Variants in DLC1 observed in about 807,000 individuals in gnomAD.
The protein encoded by DLC1 is rho GTPase-activating protein 7.
In DLC1, 54 loss-of-function variants were observed where a neutral mutation model predicts 140.3. That is an observed-to-expected ratio of 0.38 (90% CI 0.31 to 0.48). The LOEUF is 0.48. DLC1 is among the 20% of genes least tolerant of loss of function. DLC1 has a pLI of 0.96. For synonymous variants in DLC1, 986 were observed against 728.1 expected, an observed-to-expected ratio of 1.35 and a Z score of -5.70; for missense variants, 2,536 against 1,907.0, an observed-to-expected ratio of 1.33 and a Z score of -6.14.
At chr8:13,539,618 A>T (rs1262938033) in intron 1 of DLC1, among the ~76,000 whole-genome samples, 1 of 152,052 alleles carries the variant, frequency 6.6e-6, no homozygotes, top group African/African-American at 2.4e-5. Flanking sequence ...TCTGTCCCTC[A>T]CCAGCAACTG....
intron 4 of DLC1, among the ~76,000 whole-genome samples, chr8:13,326,809 C>G (rs1833366924): frequency 6.6e-6 from 1 of 152,150 alleles, no homozygotes; most frequent in Non-Finnish European, 1.5e-5. Flanking sequence ...CAGCACTGCT[C>G]CGGCTCTAGG....
At chr8:13,579,357 ATATATTTTTATAT>A (rs1563454081) in intron 1 of DLC1, among the ~76,000 whole-genome samples, 291 of 27,552 alleles carry the variant, frequency 0.011, 91 homozygotes, top group Non-Finnish European at 0.015. Flanking sequence ...ATATATATAT[ATATATTTTTATAT>A]AATACATATT....
At chr8:13,288,723 G>A (rs914247935) in intron 5 of DLC1, among the ~76,000 whole-genome samples, 2 of 152,140 alleles carry the variant, frequency 1.3e-5, no homozygotes, top group Admixed American at 6.5e-5. Context: ...CCCTATCAAC[G>A]TCACTAGTTC....
rs979440033 is a variant in DLC1, at chr8:13,192,863, C to T, written c.1349-77206G>A. On this transcript the variant is annotated intron_variant, in intron 5 of 17. Transcript: ENST00000276297. ...AAAGGAGAGAGGCCTCGGAGGAATC[C>T]GACACTGCTGGCGCCTTGATCTTGG... Among the ~76,000 whole-genome samples the T allele has an allele frequency of 3.3e-5, 5 of 152,278 alleles. No individual in the cohort carries two copies. In the East Asian group the frequency reaches 5.8e-4, roughly 18 times the overall value.
At chr8:13,386,712 G>A (rs1181585891) in intron 4 of DLC1, among the ~76,000 whole-genome samples, 1 of 151,984 alleles carries the variant, frequency 6.6e-6, no homozygotes, top group Non-Finnish European at 1.5e-5. Context: ...TCCAGACTAG[G>A]TGAATGAAAT....
At chr8:13,146,478 AAAT>A (rs1306538037) in intron 5 of DLC1, among the ~76,000 whole-genome samples, 11 of 152,020 alleles carry the variant, frequency 7.2e-5, no homozygotes, top group African/African-American at 2.7e-4. Context: ...AAGTTATTAG[AAAT>A]AATCACCAAA....
intron 1 of DLC1, among the ~76,000 whole-genome samples, chr8:13,537,464 A>T (rs1803321559): frequency 6.6e-6 from 1 of 152,192 alleles, no homozygotes; most frequent in South Asian, 2.1e-4. Flanking sequence ...TATCCAAAAA[A>T]GTACAAGTTG....
chr8:13,215,215 A>C (rs1244526031), intron 5 of DLC1, among the ~76,000 whole-genome samples: 1 of 152,234 alleles, frequency 6.6e-6, no homozygotes, highest in Non-Finnish European at 1.5e-5. Flanking sequence ...GTCTTACAAA[A>C]AAATAATTTT....
chr8:13,159,964 CCT>C (rs1824556868), intron 5 of DLC1, among the ~76,000 whole-genome samples: 1 of 151,978 alleles, frequency 6.6e-6, no homozygotes, highest in Non-Finnish European at 1.5e-5. Context: ...TCGAGACCAG[CCT>C]GGACAATATG....
intron 4 of DLC1, among the ~76,000 whole-genome samples, chr8:13,349,433 G>T (rs1295031052): frequency 1.3e-5 from 2 of 152,112 alleles, no homozygotes; most frequent in African/African-American, 4.8e-5. Context: ...GTAAAAAATG[G>T]AAGCAAAGGT....
At chr8:13,531,827 A>C (rs1370388921) in intron 1 of DLC1, among the ~76,000 whole-genome samples, 1 of 152,170 alleles carries the variant, frequency 6.6e-6, no homozygotes, top group African/African-American at 2.4e-5. Flanking sequence ...GAATCAAAAC[A>C]TTTTGCATAC....
intron 4 of DLC1, among the ~76,000 whole-genome samples, chr8:13,366,454 A>G (rs995190775): frequency 6.6e-6 from 1 of 152,180 alleles, no homozygotes; most frequent in African/African-American, 2.4e-5. Context: ...GGGAGGTTCT[A>G]TGGTTAACAC....
rs140738295 is a variant in DLC1, at chr8:13,182,395, C to A, written c.1349-66738G>T. Among the ~76,000 whole-genome samples the A allele has an allele frequency of 7.9e-5, 12 of 151,964 alleles. 1 individual carries two copies. Among genetic ancestry groups the A allele is most frequent in the Non-Finnish European group, 1.2e-4 (8 of 67,976 alleles). On this transcript the variant is annotated intron_variant, in intron 5 of 17. Transcript: ENST00000276297. ...GTATTTTAGTCATAAAATCCTTGCCCGTGCCTATGTCCTGAATGGTATTGC... is the reference window on the plus strand; with the variant it reads ...GTATTTTAGTCATAAAATCCTTGCCAGTGCCTATGTCCTGAATGGTATTGC...
chr8:13,485,385 C>T (rs753542452), intron 2 of DLC1, among the ~76,000 whole-genome samples: 3 of 152,204 alleles, frequency 2.0e-5, no homozygotes, highest in African/African-American at 4.8e-5. Context: ...TGAACATGCA[C>T]TTCTTGTTGC....
intron 7 of DLC1, among the ~76,000 whole-genome samples, chr8:13,104,174 C>T (rs1269845938): frequency 1.3e-5 from 2 of 151,884 alleles, no homozygotes; most frequent in African/African-American, 2.4e-5. Context: ...AAAGAATTTG[C>T]GTACTGTAAC....
Position 13,529,735 on chromosome 8 carries a change from GACT to G in DLC1, c.-125-29542_-125-29540del, listed in dbSNP as rs544454956. ...AGCACCTATCCTTCCAGAAAGATGA[GACT>G]ACTATGTTCTAGAAATCAATGGGGA... On this transcript the variant is annotated intron_variant, in intron 1 of 1. Transcript: ENST00000631382. 7.9e-5 allele frequency among the ~76,000 whole-genome samples: 12 copies of G among 152,274 alleles called. No homozygotes were observed. The South Asian group carries it at 2.5e-3, about 32-fold the overall frequency.
At chr8:13,342,835 C>A (rs965710036) in intron 4 of DLC1, 1 of 29,792 alleles carries the variant, frequency 3.4e-5, no homozygotes, top group East Asian at 2.3e-3. Flanking sequence ...ATCAGTTGTG[C>A]TTCTCTCTCT....
Position 13,554,084 on chromosome 8 carries a change from T to C in DLC1, c.-126+50453A>G, listed in dbSNP as rs529076666. On this transcript the variant is annotated intron_variant, in intron 1 of 1. Coordinates refer to the DLC1 transcript ENST00000631382. Reference sequence around the variant, plus strand: ...TTTTTGTTTGCTTGTTTTGTTTTTTTGAGACAGAGTCTCACTCTGTGGCCC... The same window carrying C: ...TTTTTGTTTGCTTGTTTTGTTTTTTCGAGACAGAGTCTCACTCTGTGGCCC... Among the ~76,000 whole-genome samples, 83 of 152,206 alleles carry C rather than the reference T, an allele frequency of 5.5e-4. 1 individual carries two copies. Among genetic ancestry groups the C allele is most frequent in the Middle Eastern group, 6.8e-3 (2 of 294 alleles).
chr8:13,280,768 A>G (rs1442777520), intron 5 of DLC1, among the ~76,000 whole-genome samples: 1 of 152,206 alleles, frequency 6.6e-6, no homozygotes, highest in Non-Finnish European at 1.5e-5. Context: ...GGACTACCTA[A>G]AGTGCTGGAA....
Sources: gnomAD v4.1 joint callset for allele counts (sites outside exome capture counted in the v4.1 genomes callset) on GRCh38, gnomAD v4.1.1 for gene constraint, MANE v1.5 for transcripts, NCBI Gene and HGNC (gene_info 2026-07-23, HGNC 2026-07-21) for gene names.